The following DDX11 variants were observed in gnomAD, a reference collection of about 807,000 sequenced individuals.
DDX11 encodes the protein ATP-dependent DNA helicase DDX11.
A neutral mutation model predicts 125.2 loss-of-function variants in DDX11; 72 were observed. The ratio of observed to expected loss-of-function variants is 0.58; its 90% CI spans 0.48 to 0.70. The LOEUF (loss-of-function observed/expected upper bound fraction) is 0.70, where lower values mean the gene tolerates loss of function less well. Ranked by LOEUF, DDX11 falls within the 30% of genes least tolerant of loss-of-function variation. The pLI is 0.00. For missense variants in DDX11, 883 were observed against 1,165.0 expected (o/e 0.76, Z 3.52); for synonymous variants, 347 against 452.6 (o/e 0.77, Z 2.96).
In DDX11 at chr12:31,097,871, A is replaced by C. The variant is rs1167544504; in HGVS notation, c.1763-14A>C. ...TTGGGCTTGCACTCACCTCCCACCG[A>C]TCTGTTTTTCCAGGCAGCCTCAGTC... is the stretch of plus-strand genomic sequence containing the variant. On this transcript the variant is annotated splice_polypyrimidine_tract_variant and intron_variant, in intron 17 of 26. Coordinates refer to ENST00000542838, the MANE Select transcript of DDX11 (RefSeq NM_030653.4). The C allele has an allele frequency of 6.3e-7, 1 of 1,590,828 alleles. No homozygotes were observed. Among genetic ancestry groups the C allele is most frequent in the South Asian group, 1.1e-5 (1 of 90,410 alleles).
intron 17 of DDX11, among the ~76,000 whole-genome samples, chr12:31,097,207 A>G (rs1945413630): frequency 6.8e-6 from 1 of 145,990 alleles, no homozygotes; most frequent in Admixed American, 6.7e-5. Context: ...GACCAGGGTA[A>G]GCAGTGGAGG....
intron 17 of DDX11, among the ~76,000 whole-genome samples, chr12:31,097,249 G>A (rs936713490): frequency 1.3e-5 from 2 of 151,920 alleles, no homozygotes; most frequent in Admixed American, 6.6e-5. Context: ...GCTGGGATGG[G>A]GGTCCTCTAG....
At chr12:31,097,672 T>TC (rs1318869746) in intron 17 of DDX11, among the ~76,000 whole-genome samples, 1 of 97,838 alleles carries the variant, frequency 1.0e-5, no homozygotes, top group Non-Finnish European at 1.8e-5. Context: ...AGATCGAGAC[T>TC]CCATCTCAAA....
intron 2 of DDX11, among the ~76,000 whole-genome samples, chr12:31,083,387 G>A (rs1461496905): frequency 1.3e-5 from 2 of 151,570 alleles, no homozygotes; most frequent in African/African-American, 2.4e-5. Context: ...ATCCACGCAC[G>A]AGCTGCACGA....
intron 7 of DDX11, 80 bp from the exon 8 acceptor site, chr12:31,089,323 C>T (rs1484306590): frequency 9.3e-5 from 141 of 1,513,362 alleles, no homozygotes; most frequent in Non-Finnish European, 1.2e-4. Flanking sequence ...GGAGAGGTGG[C>T]GGGGCAGGTC....
At chr12:31,097,490 C>G (rs1251056044) in intron 17 of DDX11, among the ~76,000 whole-genome samples, 2 of 149,998 alleles carry the variant, frequency 1.3e-5, no homozygotes, top group Non-Finnish European at 3.0e-5. Context: ...ACCATCCTGG[C>G]TAACACAGTG....
chr12:31,103,524 C>T (rs1242347520), intron 25 of DDX11, 53 bp from the exon 26 acceptor site: 7 of 1,613,300 alleles, frequency 4.3e-6, no homozygotes, highest in Non-Finnish European at 5.9e-6. Context: ...TGGGAATGTG[C>T]TGTAGGGGGG....
At chr12:31,097,524 C>G (rs1366015062) in intron 17 of DDX11, among the ~76,000 whole-genome samples, 2 of 148,414 alleles carry the variant, frequency 1.3e-5, no homozygotes, top group Non-Finnish European at 1.5e-5. Context: ...ACTAAAAATA[C>G]AAAAAATTAG....
intron 16 of DDX11, 52 bp downstream of exon 16, chr12:31,096,797 T>A: frequency 6.2e-7 from 1 of 1,614,188 alleles, no homozygotes. Flanking sequence ...GGGCAAGGAC[T>A]TCTGTTCCTC....
Position 31,103,974 on chromosome 12 carries a change from T to C in DDX11, c.*138T>C, listed in dbSNP as rs1298676130. The C allele has an allele frequency of 1.3e-6, 2 of 1,578,716 alleles. No homozygotes were observed. The highest frequency in any genetic ancestry group is 1.9e-5 in the Admixed American group (1 of 53,206). On this transcript the variant is annotated 3_prime_UTR_variant, in exon 27 of 27. Transcript: ENST00000542838. The stretch of plus-strand genomic sequence containing the variant: ...GAGGAGAGTGTGGAGTCCAGAGTGC[T>C]GCCAGGACCCAGGCACAGGCGTTAG...
At chr12:31,084,447 G>C in intron 3 of DDX11, 136 bp from the exon 4 acceptor site, 1 of 835,108 alleles carries the variant, frequency 1.2e-6, no homozygotes, top group South Asian at 1.4e-5. Flanking sequence ...GAGGGGATGC[G>C]GCAGCCCTTG....
intron 12 of DDX11, among the ~76,000 whole-genome samples, chr12:31,094,116 C>T (rs1211650647): frequency 1.3e-5 from 2 of 152,216 alleles, no homozygotes; most frequent in Non-Finnish European, 1.5e-5. Context: ...ATGACCCTGT[C>T]ACGTCCCCTT....
rs4012620 is a variant in DDX11, at chr12:31,086,617, G to A, written c.639-1321G>A. Among the ~76,000 whole-genome samples, 515 of 152,260 alleles carry A rather than the reference G, an allele frequency of 3.4e-3. 2 individuals carry two copies. The highest frequency in any genetic ancestry group is 0.016 in the South Asian group (77 of 4,826). Reference sequence around the variant, plus strand: ...CTCCCTCTCTTCTCCCTTAGAGCCCGTGGGGACAAGGCAGAGAACTTGAGT... The same window carrying A: ...CTCCCTCTCTTCTCCCTTAGAGCCCATGGGGACAAGGCAGAGAACTTGAGT... On this transcript the variant is annotated intron_variant, in intron 5 of 26. Transcript: ENST00000542838.
At position 31,083,817 on chromosome 12, in the gene DDX11, A is replaced by G; in HGVS notation, c.149A>G (p.Lys50Arg). 6 of 1,611,960 alleles carry G rather than the reference A, an allele frequency of 3.7e-6. No homozygotes were observed. The highest frequency in any genetic ancestry group is 5.1e-6 in the Non-Finnish European group (6 of 1,179,832). The change falls in exon 3 of 27, where the codon AAG becomes AGG. Residue 50 changes from lysine (K) to arginine (R), a missense_variant. Lys to Arg is a conservative substitution (Grantham distance 26, BLOSUM62 2). Around this residue, in one of 5 missense-constraint regions of DDX11, gnomAD observed 283 missense variants for 359.6 expected, o/e 0.79. Transcript: ENST00000542838. The stretch of plus-strand genomic sequence containing the variant: ...AGATCATTTTTCTTCCTGCAGGGGA[A>G]GTCCTTAAGTCTTATTTGTGGGGCC... Reference protein sequence around the residue: ...GIFESPTGTGKSLSLICGALS... With the variant: ...GIFESPTGTGRSLSLICGALS...
intron 8 of DDX11, 180 bp downstream of exon 8, chr12:31,089,670 C>T (rs1016816381): frequency 1.8e-5 from 21 of 1,143,452 alleles, no homozygotes; most frequent in Admixed American, 1.2e-4. Context: ...GTGTCTGGTC[C>T]GAATCCTTGG....
intron 8 of DDX11, 158 bp from the exon 9 acceptor site, chr12:31,089,728 T>C (rs1943850751): frequency 1.4e-6 from 2 of 1,397,592 alleles, no homozygotes; most frequent in Non-Finnish European, 2.0e-6. Flanking sequence ...AAGTAAAACC[T>C]TACAGTGTTC....
At chr12:31,078,032 T>A (rs1206931410) in intron 1 of DDX11, 1 of 404,284 alleles carries the variant, frequency 2.5e-6, no homozygotes, top group East Asian at 6.9e-5. Context: ...AAAGTCATTA[T>A]AAGCAACACC....
chr12:31,098,130 G>T (rs572695297), intron 18 of DDX11, 133 bp downstream of exon 18: 87 of 611,060 alleles, frequency 1.4e-4, no homozygotes, highest in Non-Finnish European at 2.6e-4. Flanking sequence ...AGGCCCAGTG[G>T]TGTCCGCTGG....
chr12:31,101,371 C>T (rs570635979), intron 20 of DDX11: 3 of 583,372 alleles, frequency 5.1e-6, no homozygotes, highest in South Asian at 3.9e-5. Flanking sequence ...CTCCAGGCAT[C>T]CTCTGAGGAC....
Sources: gnomAD v4.1 joint callset for allele counts (sites outside exome capture counted in the v4.1 genomes callset) on GRCh38, gnomAD v4.1.1 for gene constraint, gnomAD v4.1.1 regional missense constraint, MANE v1.5 for transcripts, NCBI Gene and HGNC (gene_info 2026-07-23, HGNC 2026-07-21) for gene names.